Variants in ERP44 observed in about 807,000 individuals in gnomAD.
ERP44 encodes the protein endoplasmic reticulum resident protein 44.
ERP44 carries 25 observed loss-of-function variants against 53.4 expected under a neutral mutation model. The ratio of observed to expected loss-of-function variants is 0.47; its 90% confidence interval spans 0.34 to 0.65. ERP44 has a LOEUF of 0.65. Ranked by LOEUF, ERP44 falls within the 30% of genes least tolerant of loss-of-function variation. The pLI, the probability that ERP44 is intolerant of heterozygous loss-of-function variation, is 0.01. For synonymous variants in ERP44, 145 were observed against 161.2 expected, an observed-to-expected ratio of 0.90 and a Z score of 0.76; for missense variants, 338 against 493.2, an observed-to-expected ratio of 0.69 and a Z score of 2.98.
intron 10 of ERP44, among the ~76,000 whole-genome samples, chr9:100,001,468 G>T: frequency 6.6e-6 from 1 of 152,044 alleles, no homozygotes; most frequent in Non-Finnish European, 1.5e-5. Context: ...CTGTATTATA[G>T]TCTCCTTTCA....
intron 4 of ERP44, among the ~76,000 whole-genome samples, chr9:100,045,521 T>A (rs577895148): frequency 5.9e-4 from 90 of 152,290 alleles, no homozygotes; most frequent in African/African-American, 2.0e-3. Context: ...TAAAGATAAC[T>A]AAAATATCCG....
At chr9:100,070,033 A>G (rs531523190) in intron 1 of ERP44, among the ~76,000 whole-genome samples, 1 of 152,336 alleles carries the variant, frequency 6.6e-6, no homozygotes, top group Non-Finnish European at 1.5e-5. Flanking sequence ...GTGCGGAAAA[A>G]AATTATTCTC....
At chr9:100,044,812 A>C (rs902886919) in intron 4 of ERP44, among the ~76,000 whole-genome samples, 12 of 152,322 alleles carry the variant, frequency 7.9e-5, no homozygotes, top group African/African-American at 2.9e-4. Flanking sequence ...AAAAATTTGT[A>C]AAATTTCAAA....
chr9:100,023,355 A>C (rs1473313443), intron 4 of ERP44, among the ~76,000 whole-genome samples: 2 of 151,388 alleles, frequency 1.3e-5, no homozygotes, highest in African/African-American at 4.8e-5. Flanking sequence ...AGCCACAAAG[A>C]CTTGAGCTTA....
intron 4 of ERP44, among the ~76,000 whole-genome samples, chr9:100,035,364 A>G (rs528808769): frequency 7.2e-5 from 11 of 152,354 alleles, no homozygotes; most frequent in African/African-American, 2.6e-4. Context: ...TAAGGAACTT[A>G]TTAAATCAAT....
intron 4 of ERP44, among the ~76,000 whole-genome samples, chr9:100,046,318 GAAC>G (rs150189731): frequency 6.6e-6 from 1 of 151,866 alleles, no homozygotes; most frequent in African/African-American, 2.4e-5. Flanking sequence ...TGATACTCTA[GAAC>G]AACAACAACA....
In ERP44 at chr9:100,048,733, C is replaced by T. The variant is rs12686227; in HGVS notation, c.286+3684G>A. 8.9e-4 allele frequency among the ~76,000 whole-genome samples: 136 copies of T among 152,236 alleles called. 3 individuals carry two copies. The East Asian group carries it at 0.02, about 22-fold the overall frequency. On this transcript the variant is annotated intron_variant, in intron 4 of 11. Transcript: ENST00000262455. ...CATGCTACAACACGAATGAGCCTTG[C>T]GGACATTATGCTAAGTGAAATATGC...
chr9:100,079,102 C>T (rs1826391751), intron 1 of ERP44, among the ~76,000 whole-genome samples: 1 of 151,986 alleles, frequency 6.6e-6, no homozygotes, highest in African/African-American at 2.4e-5. Context: ...ATGGTGTTGC[C>T]AAAGGAGATT....
intron 4 of ERP44, among the ~76,000 whole-genome samples, chr9:100,047,700 A>G (rs1226308672): frequency 6.6e-6 from 1 of 152,220 alleles, no homozygotes; most frequent in Non-Finnish European, 1.5e-5. Flanking sequence ...TAACATCTAA[A>G]GCACAGTCAA....
chr9:100,027,359 T>G (rs888263387), intron 4 of ERP44, among the ~76,000 whole-genome samples: 1 of 152,252 alleles, frequency 6.6e-6, no homozygotes, highest in Admixed American at 6.5e-5. Context: ...GCAGCAGGTA[T>G]GCTGCATAAT....
At chr9:100,036,240 T>G (rs1278768529) in intron 4 of ERP44, among the ~76,000 whole-genome samples, 1 of 152,184 alleles carries the variant, frequency 6.6e-6, no homozygotes, top group African/African-American at 2.4e-5. Context: ...TCATTTCCTC[T>G]GCAGGTGTCC....
intron 4 of ERP44, among the ~76,000 whole-genome samples, chr9:100,033,937 TG>T (rs1342930433): frequency 6.6e-6 from 1 of 152,238 alleles, no homozygotes; most frequent in East Asian, 1.9e-4. Context: ...TATGGATCTT[TG>T]TCCCTCTACA....
intron 4 of ERP44, among the ~76,000 whole-genome samples, chr9:100,026,297 T>C (rs1388862423): frequency 1.3e-5 from 2 of 152,162 alleles, no homozygotes; most frequent in African/African-American, 4.8e-5. Context: ...TGCAACCCTG[T>C]ATCAAGACCA....
At chr9:100,032,479 T>G (rs774187748) in intron 4 of ERP44, among the ~76,000 whole-genome samples, 1 of 152,244 alleles carries the variant, frequency 6.6e-6, no homozygotes, top group Non-Finnish European at 1.5e-5. Flanking sequence ...TTATTTGGTA[T>G]GAAAATCATA....
At chr9:100,005,400 GT>G (rs1564088035) in intron 10 of ERP44, among the ~76,000 whole-genome samples, 1 of 152,124 alleles carries the variant, frequency 6.6e-6, no homozygotes, top group Non-Finnish European at 1.5e-5. Context: ...AAAACCCTTG[GT>G]TCTTAGCACA....
At chr9:100,091,137 C>T (rs1004346565) in intron 1 of ERP44, among the ~76,000 whole-genome samples, 9 of 152,136 alleles carry the variant, frequency 5.9e-5, no homozygotes, top group Non-Finnish European at 1.2e-4. Flanking sequence ...TAGCAATGTT[C>T]GTGTCTACAA....
chr9:100,002,540 G>T (rs1355287172), intron 10 of ERP44, among the ~76,000 whole-genome samples: 5 of 152,108 alleles, frequency 3.3e-5, no homozygotes. Flanking sequence ...ATATAATATT[G>T]CTGGTTGGCA....
chr9:100,094,000 C>T (rs1236009344), intron 1 of ERP44, among the ~76,000 whole-genome samples: 2 of 152,206 alleles, frequency 1.3e-5, no homozygotes, highest in Non-Finnish European at 2.9e-5. Flanking sequence ...GCTACATATA[C>T]ATTTACCTTT....
At chr9:100,096,857 G>C (rs1826638346) in intron 1 of ERP44, among the ~76,000 whole-genome samples, 1 of 152,166 alleles carries the variant, frequency 6.6e-6, no homozygotes, top group Non-Finnish European at 1.5e-5. Flanking sequence ...CGAGAATACT[G>C]AGTAAGTAGG....
Sources: gnomAD v4.1 joint callset for allele counts (sites outside exome capture counted in the v4.1 genomes callset) on GRCh38, gnomAD v4.1.1 for gene constraint, MANE v1.5 for transcripts, NCBI Gene and HGNC (gene_info 2026-07-23, HGNC 2026-07-21) for gene names.